The following TANK variants were observed in gnomAD, a reference collection of about 807,000 sequenced individuals.
TANK encodes the protein TRAF family member-associated NF-kappa-B activator.
In TANK, 15 loss-of-function variants were observed where a neutral mutation model predicts 43.6. The ratio of observed to expected loss-of-function variants is 0.34; its 90% CI spans 0.23 to 0.53. The LOEUF (loss-of-function observed/expected upper bound fraction) is 0.53, where lower values mean the gene tolerates loss of function less well. TANK is among the 20% of genes least tolerant of loss of function. The probability of loss-of-function intolerance (pLI) is 0.94; values close to 1 mark genes in which losing one functional copy is unlikely to be tolerated. For synonymous variants in TANK, 162 were observed against 178.2 expected (o/e 0.91, Z 0.73); for missense variants, 417 against 498.6 (o/e 0.84, Z 1.56).
chr2:161,234,390 A>G (rs1344534899), intron 7 of TANK, among the ~76,000 whole-genome samples: 1 of 152,208 alleles, frequency 6.6e-6, no homozygotes, highest in Admixed American at 6.5e-5. Flanking sequence ...GTGTCAGAGG[A>G]ATTTACCTGT....
chr2:161,182,478 C>G (rs1166675342), intron 2 of TANK, among the ~76,000 whole-genome samples: 1 of 151,990 alleles, frequency 6.6e-6, no homozygotes, highest in Non-Finnish European at 1.5e-5. Context: ...TTACTTGTAC[C>G]AGTTTATTTT....
At chr2:161,182,790 C>T (rs1685488414) in intron 2 of TANK, among the ~76,000 whole-genome samples, 1 of 152,176 alleles carries the variant, frequency 6.6e-6, no homozygotes, top group Non-Finnish European at 1.5e-5. Flanking sequence ...CAGTTCCTGT[C>T]TATTCAGATT....
At chr2:161,149,895 T>G (rs1419171366) in intron 1 of TANK, among the ~76,000 whole-genome samples, 1 of 152,218 alleles carries the variant, frequency 6.6e-6, no homozygotes, top group Non-Finnish European at 1.5e-5. Context: ...GCTAGTATTT[T>G]GTGGAGAATT....
intron 4 of TANK, chr2:161,207,652 A>G (rs929016732): frequency 1.0e-6 from 1 of 985,328 alleles, no homozygotes; most frequent in East Asian, 1.1e-4. Flanking sequence ...CCATCAAGCA[A>G]TGGAAATTAA....
chr2:161,161,667 G>A (rs867161130), intron 1 of TANK: 2 of 517,114 alleles, frequency 3.9e-6, no homozygotes, highest in South Asian at 2.8e-5. Flanking sequence ...TATGGTGAAA[G>A]TCTTGCCATA....
At chr2:161,199,248 CT>C (rs370020874) in intron 2 of TANK, among the ~76,000 whole-genome samples, 9 of 147,436 alleles carry the variant, frequency 6.1e-5, no homozygotes, top group Non-Finnish European at 9.0e-5. Flanking sequence ...GGGACTATTT[CT>C]TTTTTTTTTC....
At chr2:161,168,700 G>A (rs1159202311) in intron 1 of TANK, among the ~76,000 whole-genome samples, 1 of 152,160 alleles carries the variant, frequency 6.6e-6, no homozygotes, top group Admixed American at 6.5e-5. Context: ...GGGTGTGGTG[G>A]CGTGCGCCTG....
intron 4 of TANK, among the ~76,000 whole-genome samples, chr2:161,208,415 C>T (rs1384455909): frequency 6.6e-6 from 1 of 152,124 alleles, no homozygotes; most frequent in African/African-American, 2.4e-5. Flanking sequence ...CTGCTTGAGA[C>T]AGTAGGGAAG....
At chr2:161,202,371 A>G (rs1280666539) in intron 2 of TANK, among the ~76,000 whole-genome samples, 1 of 151,272 alleles carries the variant, frequency 6.6e-6, no homozygotes, top group African/African-American at 2.4e-5. Context: ...TTGTATTTTT[A>G]GTGGAGATGG....
At position 161,236,042 on chromosome 2, in the gene TANK, ACAT is replaced by A. The variant is rs1382056640; in HGVS notation, c.*525_*527del. 2.6e-5 allele frequency: 4 copies of A among 152,196 alleles called. No homozygotes were observed. The highest frequency in any genetic ancestry group is 6.5e-5 in the Admixed American group (1 of 15,280). 9.4% of individuals were successfully genotyped at this position (152,196 alleles called of 1,614,324 possible). A position where few individuals can be genotyped will look rare whatever the true frequency, so the allele number is the denominator to read the frequency against. On this transcript the variant is annotated 3_prime_UTR_variant, in exon 8 of 8. Transcript: ENST00000392749. Reference sequence around the variant, plus strand: ...CATCTTTGTAAATATCAAACCTAATACATTTCTTGTCCAGTGATAAAACAACTG... The same window carrying A: ...CATCTTTGTAAATATCAAACCTAATATTCTTGTCCAGTGATAAAACAACTG...
chr2:161,168,137 G>C (rs1180079386), intron 1 of TANK, among the ~76,000 whole-genome samples: 1 of 152,152 alleles, frequency 6.6e-6, no homozygotes, highest in Admixed American at 6.5e-5. Flanking sequence ...GTTCACGGGA[G>C]AGTGAGGTGT....
chr2:161,153,482 G>A (rs1684134663), intron 1 of TANK, among the ~76,000 whole-genome samples: 1 of 151,922 alleles, frequency 6.6e-6, no homozygotes, highest in African/African-American at 2.4e-5. Flanking sequence ...GAGCTCAGGA[G>A]TTTAATACCA....
chr2:161,231,818 A>C (rs1687923098), intron 7 of TANK, among the ~76,000 whole-genome samples: 1 of 152,222 alleles, frequency 6.6e-6, no homozygotes, highest in Non-Finnish European at 1.5e-5. Context: ...TCGTGGTGTC[A>C]CTTTCTTAGT....
intron 1 of TANK, among the ~76,000 whole-genome samples, chr2:161,162,294 A>G (rs894215530): frequency 3.9e-5 from 6 of 152,154 alleles, no homozygotes; most frequent in Admixed American, 6.5e-5. Context: ...TTTCTTGAAT[A>G]TAATTGCATT....
At chr2:161,164,848 C>T (rs941366368) in intron 1 of TANK, among the ~76,000 whole-genome samples, 3 of 151,818 alleles carry the variant, frequency 2.0e-5, no homozygotes, top group Admixed American at 6.6e-5. Flanking sequence ...TTTAAAGGGA[C>T]GTATTTTTCT....
chr2:161,212,857 AC>A, intron 4 of TANK: 2 of 790,076 alleles, frequency 2.5e-6, no homozygotes, highest in Non-Finnish European at 3.1e-6. Flanking sequence ...GTAAAGGAAT[AC>A]CTGAGGCTGG....
chr2:161,168,983 A>G (rs1304806078), intron 1 of TANK, among the ~76,000 whole-genome samples: 2 of 152,252 alleles, frequency 1.3e-5, no homozygotes, highest in African/African-American at 4.8e-5. Flanking sequence ...GAGGGTAAAG[A>G]TATTTTTAGT....
At chr2:161,227,656 G>A (rs1371049911) in intron 6 of TANK, among the ~76,000 whole-genome samples, 2 of 152,232 alleles carry the variant, frequency 1.3e-5, no homozygotes, top group East Asian at 3.8e-4. Flanking sequence ...TCCATTAGCA[G>A]CAGCAGCAGC....
intron 4 of TANK, among the ~76,000 whole-genome samples, chr2:161,219,146 A>G (rs1687239483): frequency 2.0e-5 from 3 of 152,372 alleles, no homozygotes; most frequent in Admixed American, 1.3e-4. Context: ...AAAAGTATTC[A>G]TCTCATTCTA....
Sources: gnomAD v4.1 joint callset for allele counts (sites outside exome capture counted in the v4.1 genomes callset) on GRCh38, gnomAD v4.1.1 for gene constraint, MANE v1.5 for transcripts, NCBI Gene and HGNC (gene_info 2026-07-23, HGNC 2026-07-21) for gene names.